The following TBC1D5 variants were observed in gnomAD, a reference collection of about 807,000 sequenced individuals.
The protein encoded by TBC1D5 is TBC1 domain family member 5, also known as TBC1 domain family, member 5.
TBC1D5 carries 75 observed loss-of-function variants against 100.3 expected under a neutral mutation model. The ratio of observed to expected loss-of-function variants is 0.75; its 90% CI spans 0.62 to 0.91. The LOEUF (loss-of-function observed/expected upper bound fraction) is 0.91, where lower values mean the gene tolerates loss of function less well. Among genes scored for constraint, TBC1D5 ranks in the 40% least tolerant of loss-of-function variants. The probability of loss-of-function intolerance (pLI) is 0.00; values close to 1 mark genes in which losing one functional copy is unlikely to be tolerated. For synonymous variants in TBC1D5, 323 were observed against 325.6 expected, an observed-to-expected ratio of 0.99 and a Z score of 0.09; for missense variants, 910 against 942.4, an observed-to-expected ratio of 0.97 and a Z score of 0.45.
At chr3:17,733,909 C>T (rs1197639585) in intron 1 of TBC1D5, among the ~76,000 whole-genome samples, 1 of 152,056 alleles carries the variant, frequency 6.6e-6, no homozygotes, top group Non-Finnish European at 1.5e-5. Flanking sequence ...AAGTTAAAAA[C>T]TCTTCTATTT....
intron 1 of TBC1D5, among the ~76,000 whole-genome samples, chr3:17,643,810 T>C (rs1233364252): frequency 2.6e-5 from 4 of 152,150 alleles, no homozygotes; most frequent in Non-Finnish European, 5.9e-5. Context: ...TTTTATATAA[T>C]TGTAGCCTCA....
chr3:17,288,600 G>A (rs2470578), intron 15 of TBC1D5, among the ~76,000 whole-genome samples: 67,449 of 151,886 alleles, frequency 0.44, 15,758 homozygotes, highest in Middle Eastern at 0.52. Context: ...TCACAAACCA[G>A]TCAGCACACA....
At chr3:17,732,152 T>C (rs1438219325) in intron 1 of TBC1D5, among the ~76,000 whole-genome samples, 1 of 151,806 alleles carries the variant, frequency 6.6e-6, no homozygotes, top group African/African-American at 2.4e-5. Context: ...ACCCCATCTC[T>C]ACTAAAAATA....
intron 1 of TBC1D5, among the ~76,000 whole-genome samples, chr3:17,647,667 T>C (rs1021927672): frequency 5.3e-5 from 8 of 152,150 alleles, no homozygotes; most frequent in Non-Finnish European, 1.0e-4. Flanking sequence ...GCAGAATTAG[T>C]GCAGATGAGG....
chr3:17,180,836 G>T (rs1159955076), intron 19 of TBC1D5, among the ~76,000 whole-genome samples: 1 of 149,328 alleles, frequency 6.7e-6, no homozygotes, highest in African/African-American at 2.5e-5. Context: ...TTGGGTGATG[G>T]TTCCACTAAA....
chr3:17,445,621 T>A (rs2094772770), intron 3 of TBC1D5, among the ~76,000 whole-genome samples: 1 of 152,200 alleles, frequency 6.6e-6, no homozygotes. Flanking sequence ...CAATAAGATA[T>A]TTTTGAAAGA....
intron 2 of TBC1D5, among the ~76,000 whole-genome samples, chr3:17,598,484 TC>T (rs2060718445): frequency 6.6e-6 from 1 of 152,224 alleles, no homozygotes; most frequent in Non-Finnish European, 1.5e-5. Context: ...CATTAACTAC[TC>T]CTTATATTAT....
intron 2 of TBC1D5, among the ~76,000 whole-genome samples, chr3:17,530,519 A>T (rs1200685655): frequency 3.9e-5 from 6 of 152,222 alleles, no homozygotes; most frequent in African/African-American, 1.2e-4. Context: ...CAGACTCTTT[A>T]TTCTCTCACT....
At chr3:17,517,470 C>A (rs1261697362) in intron 2 of TBC1D5, among the ~76,000 whole-genome samples, 2 of 152,096 alleles carry the variant, frequency 1.3e-5, no homozygotes, top group Admixed American at 1.3e-4. Flanking sequence ...AGTTAACCAT[C>A]CATAAATAAA....
intron 1 of TBC1D5, among the ~76,000 whole-genome samples, chr3:17,633,642 G>A (rs1416051917): frequency 3.3e-5 from 5 of 152,042 alleles, no homozygotes; most frequent in South Asian, 4.1e-4. Context: ...TAAAGAGGTC[G>A]GCATTTTGTT....
upstream of TBC1D5, among the ~76,000 whole-genome samples, chr3:17,741,776 G>GTGGGA: frequency 6.6e-6 from 1 of 150,920 alleles, no homozygotes; most frequent in Admixed American, 6.6e-5. Context: ...TCGGGGTGGG[G>GTGGGA]AGCGGGATTT....
intron 1 of TBC1D5, chr3:17,706,215 A>C: frequency 6.5e-7 from 1 of 1,549,792 alleles, no homozygotes; most frequent in Non-Finnish European, 8.7e-7. Context: ...GGCGAGGCCC[A>C]GGCTGTGGAG....
Position 17,601,826 on chromosome 3 carries a change from T to G in TBC1D5, c.-36+22023A>C, listed in dbSNP as rs570075653. Among the ~76,000 whole-genome samples, 86 of 151,904 alleles carry G rather than the reference T, an allele frequency of 5.7e-4. 1 individual carries two copies. The highest frequency in any genetic ancestry group is 1.6e-3 in the African/African-American group (68 of 41,456). ...TAATATCACACAGTTAATAAGTGGG[T>G]TTTTTTTATTTTTTATTTTTTGAGA... On this transcript the variant is annotated intron_variant, in intron 2 of 21. Coordinates refer to ENST00000253692, the Ensembl canonical transcript of TBC1D5.
chr3:17,641,197 C>G (rs150592098), intron 1 of TBC1D5, among the ~76,000 whole-genome samples: 2,090 of 152,158 alleles, frequency 0.014, 29 homozygotes, highest in Middle Eastern at 0.031. Flanking sequence ...CACCAGGGGT[C>G]CTATGAATTA....
chr3:17,333,622 CAG>C (rs1290690298), intron 13 of TBC1D5, among the ~76,000 whole-genome samples: 4 of 152,062 alleles, frequency 2.6e-5, no homozygotes, highest in Admixed American at 2.6e-4. Context: ...TGGAAGGGAG[CAG>C]AGAGATGCAG....
chr3:17,547,811 G>A (rs962828567), intron 2 of TBC1D5, among the ~76,000 whole-genome samples: 10 of 152,182 alleles, frequency 6.6e-5, no homozygotes, highest in African/African-American at 2.2e-4. Context: ...ATTGCAGTAT[G>A]TGCAATGAGA....
chr3:17,358,031 C>T (rs1035049353), intron 13 of TBC1D5, among the ~76,000 whole-genome samples: 1 of 152,056 alleles, frequency 6.6e-6, no homozygotes, highest in African/African-American at 2.4e-5. Flanking sequence ...TAGTTCTGTA[C>T]CTCCCCCCAC....
intron 8 of TBC1D5, among the ~76,000 whole-genome samples, chr3:17,395,164 T>C (rs764655377): frequency 1.3e-5 from 2 of 152,008 alleles, no homozygotes; most frequent in Non-Finnish European, 2.9e-5. Flanking sequence ...GGAGATGGGA[T>C]CTGTCACCAT....
chr3:17,672,456 G>T (rs2153787818), intron 1 of TBC1D5: 1 of 152,300 alleles, frequency 6.6e-6, no homozygotes, highest in South Asian at 2.1e-4. Flanking sequence ...CACACACGTT[G>T]CTGTGGCAAA....
Sources: gnomAD v4.1 joint callset for allele counts (sites outside exome capture counted in the v4.1 genomes callset) on GRCh38, gnomAD v4.1.1 for gene constraint, MANE v1.5 for transcripts, NCBI Gene and HGNC (gene_info 2026-07-23, HGNC 2026-07-21) for gene names.